ATAD1: variants seen among roughly 807,000 people sequenced by gnomAD.
The protein encoded by ATAD1 is ATPase family AAA domain containing 1.
In ATAD1, 18 loss-of-function variants were observed where a neutral mutation model predicts 42.7. The ratio of observed to expected loss-of-function variants is 0.42; its 90% CI spans 0.29 to 0.63. The LOEUF is 0.63. ATAD1 is among the 20% of genes least tolerant of loss of function. The pLI, the probability that ATAD1 is intolerant of heterozygous loss-of-function variation, is 0.19. For missense variants in ATAD1, 294 were observed against 440.4 expected, an observed-to-expected ratio of 0.67 and a Z score of 2.98; for synonymous variants, 132 against 143.1, an observed-to-expected ratio of 0.92 and a Z score of 0.55.
chr10:87,765,304 G>C (rs12769214), intron 8 of ATAD1, among the ~76,000 whole-genome samples: 44,787 of 151,902 alleles, frequency 0.29, 6,796 homozygotes, highest in Middle Eastern at 0.32. Context: ...ACAGTGAGTT[G>C]TAACAGTGAG....
intron 8 of ATAD1, among the ~76,000 whole-genome samples, chr10:87,758,082 GTTA>G (rs1854307292): frequency 6.6e-6 from 1 of 152,150 alleles, no homozygotes; most frequent in African/African-American, 2.4e-5. Flanking sequence ...AGTAATAATA[GTTA>G]TTATAGTAGT....
intron 4 of ATAD1, among the ~76,000 whole-genome samples, chr10:87,786,457 T>C (rs572929652): frequency 9.8e-5 from 15 of 152,330 alleles, no homozygotes; most frequent in African/African-American, 2.4e-4. Context: ...GGATTAAGTT[T>C]TTCCTCTTCA....
chr10:87,826,182 GA>G (rs1857726041), intron 1 of ATAD1, among the ~76,000 whole-genome samples: 4 of 152,238 alleles, frequency 2.6e-5, no homozygotes, highest in African/African-American at 9.6e-5. Flanking sequence ...CAACAAAGGG[GA>G]AAAAGAAAGC....
intron 1 of ATAD1, among the ~76,000 whole-genome samples, chr10:87,828,335 C>G (rs1232802286): frequency 6.6e-6 from 1 of 152,124 alleles, no homozygotes; most frequent in Non-Finnish European, 1.5e-5. Context: ...CAGAAACATC[C>G]TAATGGCTGA....
At chr10:87,788,354 G>A (rs573473850) in intron 4 of ATAD1, among the ~76,000 whole-genome samples, 2 of 152,188 alleles carry the variant, frequency 1.3e-5, no homozygotes, top group African/African-American at 2.4e-5. Context: ...GGATGCATCT[G>A]ATTTTACACT....
chr10:87,812,332 A>AG (rs537929273), intron 2 of ATAD1, among the ~76,000 whole-genome samples: 1 of 152,136 alleles, frequency 6.6e-6, no homozygotes, highest in Non-Finnish European at 1.5e-5. Flanking sequence ...GCTGGAGTGC[A>AG]GGGGTGTGAT....
chr10:87,803,786 G>A (rs535684774), intron 2 of ATAD1, among the ~76,000 whole-genome samples: 21 of 152,282 alleles, frequency 1.4e-4, no homozygotes, highest in African/African-American at 5.1e-4. Flanking sequence ...AGATATTTGC[G>A]GTTCGCAGTA....
At chr10:87,801,131 T>C (rs557067237) in intron 2 of ATAD1, among the ~76,000 whole-genome samples, 13 of 152,314 alleles carry the variant, frequency 8.5e-5, no homozygotes, top group African/African-American at 2.2e-4. Context: ...TAAAAATAAA[T>C]TGAATTGGTT....
chr10:87,831,535 C>G (rs953188935), intron 1 of ATAD1, among the ~76,000 whole-genome samples: 1 of 152,162 alleles, frequency 6.6e-6, no homozygotes, highest in Non-Finnish European at 1.5e-5. Context: ...TTGCTAGTAA[C>G]CACCCTTTTG....
intron 2 of ATAD1, among the ~76,000 whole-genome samples, chr10:87,793,594 A>T (rs1856233506): frequency 6.6e-6 from 1 of 152,198 alleles, no homozygotes; most frequent in African/African-American, 2.4e-5. Context: ...ACAAGATATG[A>T]ATTCAAGGAG....
At chr10:87,793,678 T>C (rs1192024928) in intron 2 of ATAD1, among the ~76,000 whole-genome samples, 1 of 152,206 alleles carries the variant, frequency 6.6e-6, no homozygotes, top group Non-Finnish European at 1.5e-5. Context: ...CTGGAGTTTA[T>C]AACCATGAAA....
intron 6 of ATAD1, 139 bp from the exon 7 acceptor site, chr10:87,771,180 T>A: frequency 1.7e-6 from 1 of 587,006 alleles, no homozygotes; most frequent in Non-Finnish European, 2.9e-6. Context: ...TAAATCACTA[T>A]TATTCAACTA....
In ATAD1 at chr10:87,754,612, T is replaced by C. The variant is rs577524302; in HGVS notation, c.*75A>G. The C allele has an allele frequency of 6.0e-6, 9 of 1,489,340 alleles. No homozygotes were observed. The East Asian group carries it at 2.1e-4, about 35-fold the overall frequency. The allele number at this position is 1,489,340 out of a possible 1,614,324, so 92.3% of individuals were successfully genotyped here. On this transcript the variant is annotated 3_prime_UTR_variant, in exon 10 of 10. Coordinates refer to ENST00000680024, the MANE Select transcript of ATAD1 (RefSeq NM_001321967.2). ...TCCCTCATTGTTTAAAGAGCACTCTTTCCGTTCTATTTCCACTAACTGATA... is the reference window on the plus strand; with the variant it reads ...TCCCTCATTGTTTAAAGAGCACTCTCTCCGTTCTATTTCCACTAACTGATA...
rs201304502 is a variant in ATAD1 at position 87,770,251 on chromosome 10, G to GT, written c.780+700dup. ...TAAGTTCCTCTAAATGGCAACACATGTAACATGCTGATTGTATGGAACATA... is the reference window on the plus strand; with the variant it reads ...TAAGTTCCTCTAAATGGCAACACATGTTAACATGCTGATTGTATGGAACATA... On this transcript the variant is annotated intron_variant, in intron 7 of 9. Transcript: ENST00000680024. Among the ~76,000 whole-genome samples the GT allele has an allele frequency of 3.2e-3, 494 of 152,298 alleles. 7 individuals are homozygous for GT. The Middle Eastern group carries it at 0.078, about 24-fold the overall frequency.
At chr10:87,766,061 A>G (rs191743254) in intron 8 of ATAD1, among the ~76,000 whole-genome samples, 2 of 152,084 alleles carry the variant, frequency 1.3e-5, no homozygotes, top group Admixed American at 1.3e-4. Context: ...AACAAAAACA[A>G]AAAAACAGAG....
At chr10:87,794,632 GCCTCCCTTTC>G (rs1213360625) in intron 2 of ATAD1, among the ~76,000 whole-genome samples, 1 of 152,144 alleles carries the variant, frequency 6.6e-6, no homozygotes, top group East Asian at 1.9e-4. Flanking sequence ...GCACAGGACA[GCCTCCCTTTC>G]CCCATCCCAA....
At chr10:87,805,360 C>A (rs778872181) in intron 2 of ATAD1, among the ~76,000 whole-genome samples, 1 of 152,198 alleles carries the variant, frequency 6.6e-6, no homozygotes, top group African/African-American at 2.4e-5. Flanking sequence ...AATCCTTACA[C>A]TTCTTGTTAT....
At chr10:87,824,112 A>T (rs1432944866) in intron 1 of ATAD1, among the ~76,000 whole-genome samples, 2 of 148,550 alleles carry the variant, frequency 1.3e-5, no homozygotes, top group Admixed American at 6.6e-5. Context: ...ATCATCTTGA[A>T]AAAAGAGGAT....
Position 87,814,337 on chromosome 10 carries a change from T to C in ATAD1, c.162+101A>G, listed in dbSNP as rs7075224. 3,628 of 1,116,228 alleles carry C rather than the reference T, an allele frequency of 3.3e-3. 90 individuals carry two copies. The African/African-American group carries it at 0.051, about 16-fold the overall frequency. The allele number at this position is 1,116,228 out of a possible 1,614,324, so 69.1% of individuals were successfully genotyped here. A position where few individuals can be genotyped will look rare whatever the true frequency, so the allele number is the denominator to read the frequency against. On this transcript the variant is annotated intron_variant, in intron 2 of 9. Transcript: ENST00000680024. ...CCAATACATTTTCATGTGGGTCTTA[T>C]AGAATTTCTCATTAATTTGTGAACT... is the stretch of plus-strand genomic sequence containing the variant.
Sources: allele counts gnomAD v4.1 joint callset (sites outside exome capture counted in the v4.1 genomes callset), GRCh38; gene constraint gnomAD v4.1.1; transcripts MANE v1.5; gene names NCBI Gene and HGNC (gene_info 2026-07-23, HGNC 2026-07-21).